Variants in WDR64 observed in about 807,000 individuals in gnomAD.
WDR64 encodes WD repeat domain 64.
A neutral mutation model predicts 139.3 loss-of-function variants in WDR64; 112 were observed. That is an observed-to-expected ratio of 0.80 (90% CI 0.69 to 0.94). The LOEUF is 0.94. WDR64 is among the 40% of genes least tolerant of loss of function. WDR64 has a pLI of 0.00. For synonymous variants in WDR64, 444 were observed against 437.7 expected (o/e 1.01, Z -0.18); for missense variants, 1,206 against 1,293.1 (o/e 0.93, Z 1.03).
At chr1:241,683,758 A>G in intron 7 of WDR64, 57 bp downstream of exon 7, 1 of 1,324,936 alleles carries the variant, frequency 7.5e-7, no homozygotes, top group Middle Eastern at 2.7e-4. Context: ...TTTTGCAAGT[A>G]AGCTTTATGG....
rs770927104 is a variant in WDR64 at position 241,783,360 on chromosome 1, C to G, written c.2684C>G (p.Ala895Gly). The G allele has an allele frequency of 1.9e-6, 3 of 1,613,774 alleles. No individual in the cohort carries two copies. The South Asian group carries it at 3.3e-5, about 18-fold the overall frequency. Residue 895 changes from alanine (A) to glycine (G), a missense_variant, in exon 23 of 28, where the codon GCC (alanine) becomes GGC (glycine). Physicochemically the swap from Ala to Gly is moderately conservative, Grantham distance 60. Coordinates refer to ENST00000437684, the MANE Select transcript of WDR64 (RefSeq NM_001367482.1). The part of the protein sequence containing the change: ...YVEEKQVVLT[A>G]SIDGSVRLWH... The stretch of plus-strand genomic sequence containing the variant: ...GAAGAAAAACAAGTGGTACTTACTG[C>G]CTCCATCGATGGCTCAGTAAGGTAG...
At chr1:241,705,126 C>T (rs139751725) in intron 8 of WDR64, among the ~76,000 whole-genome samples, 2,384 of 152,268 alleles carry the variant, frequency 0.016, 28 homozygotes, top group Non-Finnish European at 0.024. Context: ...TCTAGCTCCC[C>T]AGTAGCTAGT....
intron 8 of WDR64, among the ~76,000 whole-genome samples, chr1:241,702,346 C>T (rs1173156652): frequency 6.6e-6 from 1 of 152,172 alleles, no homozygotes; most frequent in Non-Finnish European, 1.5e-5. Flanking sequence ...ATTAGTTCTT[C>T]TTACCTCAGT....
intron 14 of WDR64, among the ~76,000 whole-genome samples, chr1:241,753,084 C>A (rs1670039233): frequency 6.6e-6 from 1 of 152,076 alleles, no homozygotes; most frequent in Admixed American, 6.5e-5. Context: ...GTAACAGAGG[C>A]CTTAGGGCAA....
chr1:241,691,601 C>T (rs1667291694), intron 8 of WDR64, among the ~76,000 whole-genome samples: 1 of 115,808 alleles, frequency 8.6e-6, no homozygotes, highest in Non-Finnish European at 1.9e-5. Context: ...TTAACATCAT[C>T]TATAGTACTG....
At position 241,683,725 on chromosome 1, in the gene WDR64, T is replaced by C. The variant is rs1426415021; in HGVS notation, c.839+24T>C. The stretch of plus-strand genomic sequence containing the variant: ...AGGTAAGAGTATCATACAGTTAATT[T>C]AATTCTTTTAATAATTATAGTCTTT... On this transcript the variant is annotated intron_variant, in intron 7 of 27. Transcript: ENST00000437684. The C allele has an allele frequency of 1.4e-5, 20 of 1,444,494 alleles. No homozygotes were observed. The East Asian group carries it at 5.0e-4, about 36-fold the overall frequency. The allele number at this position is 1,444,494 out of a possible 1,614,324, so 89.5% of individuals were successfully genotyped here.
chr1:241,686,742 C>G (rs79453206), intron 7 of WDR64, among the ~76,000 whole-genome samples: 8,832 of 152,218 alleles, frequency 0.058, 374 homozygotes, highest in South Asian at 0.11. Flanking sequence ...CCAGTGATCT[C>G]AGATTTTACA....
intron 10 of WDR64, among the ~76,000 whole-genome samples, chr1:241,728,348 GAAA>G (rs11302541): frequency 3.9e-5 from 2 of 51,928 alleles, no homozygotes; most frequent in Non-Finnish European, 8.7e-5. Flanking sequence ...AGAAGAAGAA[GAAA>G]AAAAAAGCAA....
chr1:241,658,674 C>G (rs980172452), intron 1 of WDR64, among the ~76,000 whole-genome samples: 11 of 150,364 alleles, frequency 7.3e-5, no homozygotes, highest in South Asian at 2.1e-4. Flanking sequence ...GCTGTTTGCT[C>G]ACTTCCACCT....
Position 241,801,394 on chromosome 1 carries a change from C to A in WDR64, c.*179C>A, listed in dbSNP as rs145628777. ...TTCTGGTGACCTTAACTCTGAATAC[C>A]AAGCAAGCAGCAAGCAGCCAGAAGT... On this transcript the variant is annotated 3_prime_UTR_variant, in exon 28 of 28. Coordinates refer to ENST00000437684, the MANE Select transcript of WDR64 (RefSeq NM_001367482.1). 3.8e-4 allele frequency: 197 copies of A among 515,654 alleles called. No individual in the cohort carries two copies. Among genetic ancestry groups the A allele is most frequent in the African/African-American group, 3.4e-3 (177 of 52,724 alleles). 31.9% of individuals were successfully genotyped at this position (515,654 alleles called of 1,614,324 possible). A position where few individuals can be genotyped will look rare whatever the true frequency, so the allele number is the denominator to read the frequency against.
intron 15 of WDR64, among the ~76,000 whole-genome samples, chr1:241,757,717 C>T (rs530987148): frequency 7.1e-6 from 1 of 140,784 alleles, no homozygotes; most frequent in South Asian, 2.4e-4. Flanking sequence ...CACCTGGGCT[C>T]AAGTGACCCT....
At chr1:241,787,457 G>T (rs1659080546) in intron 23 of WDR64, among the ~76,000 whole-genome samples, 1 of 151,734 alleles carries the variant, frequency 6.6e-6, no homozygotes, top group Admixed American at 6.6e-5. Context: ...ATAAGGTCAG[G>T]AGTTCAAGAC....
chr1:241,681,606 T>G (rs1334086813), intron 6 of WDR64, among the ~76,000 whole-genome samples: 1 of 151,910 alleles, frequency 6.6e-6, no homozygotes, highest in East Asian at 1.9e-4. Context: ...AGCTTTTATA[T>G]ATAAGGAGTT....
At chr1:241,694,450 G>A (rs1436705811) in intron 8 of WDR64, among the ~76,000 whole-genome samples, 2 of 152,014 alleles carry the variant, frequency 1.3e-5, no homozygotes, top group Non-Finnish European at 2.9e-5. Context: ...CATTTATATG[G>A]CATAATTAAT....
intron 24 of WDR64, among the ~76,000 whole-genome samples, chr1:241,788,468 T>A (rs1659118244): frequency 6.6e-6 from 1 of 152,154 alleles, no homozygotes; most frequent in African/African-American, 2.4e-5. Flanking sequence ...CCCTAGATGG[T>A]GAATGTCAAA....
chr1:241,690,340 GCA>G (rs1667168570), intron 8 of WDR64, among the ~76,000 whole-genome samples: 1 of 151,668 alleles, frequency 6.6e-6, no homozygotes, highest in African/African-American at 2.4e-5. Context: ...GCATGGTGGC[GCA>G]CACCTGTAAT....
At chr1:241,689,297 C>T (rs955217830) in intron 8 of WDR64, among the ~76,000 whole-genome samples, 3 of 115,382 alleles carry the variant, frequency 2.6e-5, no homozygotes, top group African/African-American at 1.1e-4. Flanking sequence ...AACAGATTGT[C>T]AGAGTGATCA....
At position 241,701,638 on chromosome 1, in the gene WDR64, G is replaced by A. The variant is rs139431036; in HGVS notation, c.975-10164G>A. 3.1e-3 allele frequency among the ~76,000 whole-genome samples: 475 copies of A among 151,180 alleles called. 4 individuals are homozygous for A. Among genetic ancestry groups the A allele is most frequent in the African/African-American group, 0.011 (449 of 40,920 alleles). On this transcript the variant is annotated intron_variant, in intron 8 of 27. Coordinates refer to ENST00000437684, the MANE Select transcript of WDR64 (RefSeq NM_001367482.1). Reference sequence around the variant, plus strand: ...GAGAAGAAGTCAGGAAGTCAGTTGAGTAGTAATGACAACCTCAGCAAACAG... The same window carrying A: ...GAGAAGAAGTCAGGAAGTCAGTTGAATAGTAATGACAACCTCAGCAAACAG...
intron 15 of WDR64, among the ~76,000 whole-genome samples, chr1:241,761,938 T>C (rs1657921586): frequency 6.6e-6 from 1 of 152,232 alleles, no homozygotes; most frequent in Non-Finnish European, 1.5e-5. Flanking sequence ...ACTGAAGTCT[T>C]GAACCCTTCC....
Sources: gnomAD v4.1 joint callset for allele counts (sites outside exome capture counted in the v4.1 genomes callset) on GRCh38, gnomAD v4.1.1 for gene constraint, MANE v1.5 for transcripts, NCBI Gene and HGNC (gene_info 2026-07-23, HGNC 2026-07-21) for gene names.